The following RFX1 variants were observed in gnomAD, a reference collection of about 807,000 sequenced individuals.
The protein encoded by RFX1 is regulatory factor X1.
A neutral mutation model predicts 119.6 loss-of-function variants in RFX1; 42 were observed. The ratio of observed to expected loss-of-function variants is 0.35; its 90% CI spans 0.27 to 0.45. The LOEUF is 0.45. Ranked by LOEUF, RFX1 falls within the 20% of genes least tolerant of loss-of-function variation. The probability of loss-of-function intolerance (pLI) is 1.00; values close to 1 mark genes in which losing one functional copy is unlikely to be tolerated. For missense variants in RFX1, 1,118 were observed against 1,368.1 expected, an observed-to-expected ratio of 0.82 and a Z score of 2.88; for synonymous variants, 628 against 618.5, an observed-to-expected ratio of 1.02 and a Z score of -0.23.
At position 13,990,280 on chromosome 19, in the gene RFX1, T is replaced by G. The variant is rs1390261764; in HGVS notation, c.319+3245A>C. ...AGGACCACGGAGGGGCTGCGGGCGG[T>G]GGGCGGAGACCAGGGCAGTGTGGGC... is the stretch of plus-strand genomic sequence containing the variant. On this transcript the variant is annotated intron_variant, in intron 2 of 20. Transcript: ENST00000254325. This position sits in a 1 kb window ranked among gnomAD's most constrained non-coding sequence, Gnocchi z 4.1. 6.6e-6 allele frequency among the ~76,000 whole-genome samples: 1 copy of G among 151,564 alleles called. No individual in the cohort carries two copies. Among genetic ancestry groups the G allele is most frequent in the East Asian group, 1.9e-4 (1 of 5,150 alleles).
In RFX1 at chr19:13,980,752, T is replaced by TCA. The variant is rs1420604131; in HGVS notation, c.622-65_622-64dup. On this transcript the variant is annotated intron_variant, in intron 5 of 20. Coordinates refer to ENST00000254325, the MANE Select transcript of RFX1 (RefSeq NM_002918.5). This position sits in a 1 kb window ranked among gnomAD's most constrained non-coding sequence, Gnocchi z 5.1. ...GGCTTGCATCCTCTCTGAGGTGGGCTCACACACACACCCTTCTCAGGAGAG... is the reference window on the plus strand; with the variant it reads ...GGCTTGCATCCTCTCTGAGGTGGGCTCACACACACACACCCTTCTCAGGAGAG... 22 of 939,316 alleles carry TCA rather than the reference T, an allele frequency of 2.3e-5. No homozygotes were observed. Among genetic ancestry groups the TCA allele is most frequent in the Admixed American group, 4.2e-5 (2 of 47,738 alleles). 58.2% of individuals were successfully genotyped at this position (939,316 alleles called of 1,614,324 possible).
chr19:13,993,425 A>G, intron 2 of RFX1, 100 bp downstream of exon 2: 2 of 1,212,370 alleles, frequency 1.6e-6, no homozygotes, highest in Non-Finnish European at 2.3e-6. Context: ...CCATCCAGAA[A>G]CCTTGGGGGG....
intron 1 of RFX1, among the ~76,000 whole-genome samples, chr19:13,996,915 G>T (rs1337104313): frequency 6.6e-6 from 1 of 151,976 alleles, no homozygotes; most frequent in Non-Finnish European, 1.5e-5. Flanking sequence ...GTGGAGACAG[G>T]GTTTCACCAT....
In RFX1 at chr19:13,979,550, G is replaced by T; in HGVS notation, c.739-8C>A. ...GGCCTGGACCACAGATCTCTGGGAG[G>T]GGAAAGGCAACAATAAGATGACCAT... On this transcript the variant is annotated splice_region_variant and splice_polypyrimidine_tract_variant and intron_variant, in intron 6 of 20. Transcript: ENST00000254325. The T allele has an allele frequency of 6.3e-7, 1 of 1,577,286 alleles. No homozygotes were observed. Among genetic ancestry groups the T allele is most frequent in the Non-Finnish European group, 8.6e-7 (1 of 1,159,162 alleles).
chr19:13,995,345 C>T (rs1236384583), intron 1 of RFX1, among the ~76,000 whole-genome samples: 1 of 152,082 alleles, frequency 6.6e-6, no homozygotes, highest in Admixed American at 6.5e-5. Flanking sequence ...AGTAGCATTC[C>T]CAGTGGGAAG....
At chr19:13,987,339 T>TAGGCAGGGC (rs1476312368) in intron 2 of RFX1, among the ~76,000 whole-genome samples, 1 of 152,104 alleles carries the variant, frequency 6.6e-6, no homozygotes, top group African/African-American at 2.4e-5. Context: ...AAGTCACCTT[T>TAGGCAGGGC]AGGCAGGGCA....
In RFX1 at chr19:13,962,030, G is replaced by C. The variant is rs1016182111; in HGVS notation, c.*665C>G. On this transcript the variant is annotated 3_prime_UTR_variant, in exon 21 of 21. Coordinates refer to ENST00000254325, the MANE Select transcript of RFX1 (RefSeq NM_002918.5). ...TGGGCACTCCCCGGCTCCGCGGCTC[G>C]CTGCTCTTTGGAAGCTGGAGGCCGT... The C allele has an allele frequency of 1.3e-5, 2 of 152,252 alleles. No individual in the cohort carries two copies. The highest frequency in any genetic ancestry group is 1.9e-4 in the East Asian group (1 of 5,176). 9.4% of individuals were successfully genotyped at this position (152,252 alleles called of 1,614,324 possible). A position where few individuals can be genotyped will look rare whatever the true frequency, so the allele number is the denominator to read the frequency against.
At chr19:13,979,388 C>A in intron 7 of RFX1, 59 bp downstream of exon 7, 17 of 1,287,476 alleles carry the variant, frequency 1.3e-5, no homozygotes, top group Non-Finnish European at 1.7e-5. Flanking sequence ...GCCTGCACTC[C>A]CCAGCCCCAG....
At position 13,962,611 on chromosome 19, in the gene RFX1, G is replaced by A; in HGVS notation, c.*84C>T. 1 of 1,170,808 alleles carries A rather than the reference G, an allele frequency of 8.5e-7. No individual in the cohort carries two copies. Among genetic ancestry groups the A allele is most frequent in the Non-Finnish European group, 1.2e-6 (1 of 861,238 alleles). The allele number at this position is 1,170,808 out of a possible 1,614,324, so 72.5% of individuals were successfully genotyped here. ...CCTCCCTGCCCTGGCTGAGGCTGGA[G>A]CAGTGACCACGAAGCCACAGAAGCT... On this transcript the variant is annotated 3_prime_UTR_variant, in exon 21 of 21. Coordinates refer to ENST00000254325, the MANE Select transcript of RFX1 (RefSeq NM_002918.5).
intron 1 of RFX1, among the ~76,000 whole-genome samples, chr19:14,003,584 T>C (rs1975285827): frequency 6.6e-6 from 1 of 152,194 alleles, no homozygotes; most frequent in Admixed American, 6.5e-5. Flanking sequence ...AATTACTTTG[T>C]ATTTAGTTAG....
At chr19:14,003,414 C>A (rs779258600) in intron 1 of RFX1, among the ~76,000 whole-genome samples, 1 of 116,998 alleles carries the variant, frequency 8.5e-6, no homozygotes, top group Non-Finnish European at 1.7e-5. Context: ...CTGTCATCGA[C>A]CCACACAGCC....
chr19:13,968,726 T>C lies in RFX1; in HGVS notation c.1617-46A>G. ...GGGCCGGCTGCTGGGGGCCGGCCTG[T>C]GTGCCCTTCCCCGCCTGCCCTGCCC... On this transcript the variant is annotated intron_variant, in intron 11 of 20. Transcript: ENST00000254325. This position sits in a 1 kb window ranked among gnomAD's most constrained non-coding sequence, Gnocchi z 5.5. 6.2e-7 allele frequency: 1 copy of C among 1,609,480 alleles called. No homozygotes were observed. The highest frequency in any genetic ancestry group is 8.5e-7 in the Non-Finnish European group (1 of 1,178,432).
In RFX1 at chr19:13,984,437, C is replaced by T. The variant is rs1350282404; in HGVS notation, c.320-842G>A. On this transcript the variant is annotated intron_variant, in intron 2 of 20. Coordinates refer to ENST00000254325, the MANE Select transcript of RFX1 (RefSeq NM_002918.5). ...CGGGGCCTTCGCGGGGCTGGGGCAG[C>T]GCTGCGGGGTGAGGAGGGAGGTTGG... Among the ~76,000 whole-genome samples the T allele has an allele frequency of 2.0e-5, 3 of 152,188 alleles. No individual in the cohort carries two copies. In the East Asian group the frequency reaches 5.8e-4, roughly 29 times the overall value.
chr19:13,964,317 C>T (rs1259213652), intron 16 of RFX1, among the ~76,000 whole-genome samples: 2 of 151,560 alleles, frequency 1.3e-5, no homozygotes, highest in African/African-American at 4.9e-5. Context: ...TCTCGAACTT[C>T]TGGCTTCAAG....
In RFX1 at chr19:13,993,814, C is replaced by A; in HGVS notation, c.30G>T (p.Gln10His). 6.2e-7 allele frequency: 1 copy of A among 1,601,308 alleles called. No individual in the cohort carries two copies. Among genetic ancestry groups the A allele is most frequent in the Non-Finnish European group, 8.5e-7 (1 of 1,175,944 alleles). Residue 10 changes from glutamine to histidine, a missense_variant, in exon 2 of 21, where the codon CAG becomes CAT. By Grantham distance (24) the Gln-to-His change is conservative. This residue lies in a region of RFX1 where 542 missense variants were observed against 602.7 expected (regional missense o/e 0.90). Coordinates refer to ENST00000254325, the MANE Select transcript of RFX1 (RefSeq NM_002918.5). ...GCGGCTGGGATGGTGGCGGGGCTGCCTGTAGCTCAGTATACGCCTGTGTTG... is the reference window on the plus strand; with the variant it reads ...GCGGCTGGGATGGTGGCGGGGCTGCATGTAGCTCAGTATACGCCTGTGTTG... The part of the protein sequence containing the change: MATQAYTEL[Q>H]AAPPPSQPPQ...
intron 1 of RFX1, among the ~76,000 whole-genome samples, chr19:14,004,770 G>C (rs1015729612): frequency 2.0e-5 from 3 of 152,070 alleles, no homozygotes; most frequent in Non-Finnish European, 2.9e-5. Flanking sequence ...GCTGCAGTTT[G>C]CACACCGACA....
In RFX1 at chr19:13,985,958, T is replaced by A. The variant is rs976853844; in HGVS notation, c.320-2363A>T. 6.6e-6 allele frequency among the ~76,000 whole-genome samples: 1 copy of A among 152,180 alleles called. No homozygotes were observed. The highest frequency in any genetic ancestry group is 2.4e-5 in the African/African-American group (1 of 41,428). On this transcript the variant is annotated intron_variant, in intron 2 of 20. Transcript: ENST00000254325. This position sits in a 1 kb window ranked among gnomAD's most constrained non-coding sequence, Gnocchi z 4.3. ...GCTGTGGGGCATTTGGTCAATCCCA[T>A]GCCTGCCTGACCAGCTACCTGTGCA...
Position 13,979,538 on chromosome 19 carries a change from G to T in RFX1, c.743C>A (p.Ser248Tyr). Reference sequence around the variant, plus strand: ...CGCTTGTGGAGTGGCCTGGACCACAGATCTCTGGGAGGGGAAAGGCAACAA... The same window carrying T: ...CGCTTGTGGAGTGGCCTGGACCACATATCTCTGGGAGGGGAAAGGCAACAA... ...QQSVPVTQER[S>Y]VVQATPQAPK... The change falls in exon 7 of 21, where the codon TCT becomes TAT. Residue 248 changes from serine (S) to tyrosine (Y), a missense_variant. Physicochemically the swap from Ser to Tyr is moderately radical, Grantham distance 144. Around this residue, in one of 5 missense-constraint regions of RFX1, gnomAD observed 542 missense variants for 602.7 expected, o/e 0.90. Coordinates refer to ENST00000254325, the MANE Select transcript of RFX1 (RefSeq NM_002918.5). 4 of 1,584,618 alleles carry T rather than the reference G, an allele frequency of 2.5e-6. No individual in the cohort carries two copies. Among genetic ancestry groups the T allele is most frequent in the Non-Finnish European group, 3.4e-6 (4 of 1,163,478 alleles).
chr19:13,980,570 C>A lies in RFX1; in HGVS notation c.738+3G>T. 6.4e-7 allele frequency: 1 copy of A among 1,557,958 alleles called. No individual in the cohort carries two copies. The highest frequency in any genetic ancestry group is 8.6e-7 in the Non-Finnish European group (1 of 1,156,594). ...CGAGCCACTGCCCGCCTTGGCCTGG[C>A]ACCTCTTGGGTGACGGGGACACTCT... On this transcript the variant is annotated splice_donor_region_variant and intron_variant, in intron 6 of 20. Coordinates refer to ENST00000254325, the MANE Select transcript of RFX1 (RefSeq NM_002918.5). This position sits in a 1 kb window ranked among gnomAD's most constrained non-coding sequence, Gnocchi z 5.1.
Sources: allele counts gnomAD v4.1 joint callset (sites outside exome capture counted in the v4.1 genomes callset), GRCh38; gene constraint gnomAD v4.1.1; regional missense constraint gnomAD v4.1.1; non-coding constraint Gnocchi (gnomAD v3.1); transcripts MANE v1.5; gene names NCBI Gene and HGNC (gene_info 2026-07-23, HGNC 2026-07-21).